LARGE1: variants seen among roughly 807,000 people sequenced by gnomAD.
LARGE1 encodes the protein LARGE xylosyl- and glucuronyltransferase 1, also known as xylosyl- and glucuronyltransferase LARGE1.
A neutral mutation model predicts 87.6 loss-of-function variants in LARGE1; 43 were observed. That is an observed-to-expected ratio of 0.49 (90% CI 0.38 to 0.63). The LOEUF (loss-of-function observed/expected upper bound fraction) is 0.63, where lower values mean the gene tolerates loss of function less well. Among genes scored for constraint, LARGE1 ranks in the 30% least tolerant of loss-of-function variants. LARGE1 has a pLI of 0.00. For synonymous variants in LARGE1, 434 were observed against 394.6 expected, an observed-to-expected ratio of 1.10 and a Z score of -1.18; for missense variants, 802 against 1,000.2, an observed-to-expected ratio of 0.80 and a Z score of 2.67.
At chr22:33,188,334 G>C (rs1337387983) in intron 11 of LARGE1, among the ~76,000 whole-genome samples, 1 of 152,100 alleles carries the variant, frequency 6.6e-6, no homozygotes, top group African/African-American at 2.4e-5. Flanking sequence ...GGCCCAATCT[G>C]CTCATTTTGA....
intron 8 of LARGE1, among the ~76,000 whole-genome samples, chr22:33,383,492 G>A (rs926878309): frequency 1.7e-4 from 26 of 152,060 alleles, no homozygotes; most frequent in Non-Finnish European, 3.4e-4. Context: ...CCCAGGAGGC[G>A]GAGGTTGCCG....
intron 1 of LARGE1, among the ~76,000 whole-genome samples, chr22:33,912,461 C>G (rs1352491048): frequency 6.6e-6 from 1 of 152,180 alleles, no homozygotes; most frequent in Non-Finnish European, 1.5e-5. Flanking sequence ...CTGGAAAGAT[C>G]GGCAAGTCCT....
chr22:33,678,513 A>AAGATG (rs2081648020), intron 2 of LARGE1, among the ~76,000 whole-genome samples: 1 of 152,194 alleles, frequency 6.6e-6, no homozygotes, highest in Non-Finnish European at 1.5e-5. Flanking sequence ...GTGCACTAGG[A>AAGATG]AGATGCTAGA....
At chr22:33,276,122 T>G (rs1014844557) in intron 14 of LARGE1, among the ~76,000 whole-genome samples, 7 of 152,098 alleles carry the variant, frequency 4.6e-5, no homozygotes, top group African/African-American at 1.7e-4. Context: ...GTATCCAACC[T>G]TAGCTTTTTC....
Position 33,277,172 on chromosome 22 carries a change from T to C in LARGE1, c.1961A>G (p.Glu654Gly). 2 of 1,614,232 alleles carry C rather than the reference T, an allele frequency of 1.2e-6. No individual in the cohort carries two copies. Among genetic ancestry groups the C allele is most frequent in the Non-Finnish European group, 1.7e-6 (2 of 1,180,050 alleles). The stretch of plus-strand genomic sequence containing the variant: ...AACAACATACGGCTCAAAATCGGCC[T>C]CCCACTCAACCCGGTAAGGCGTGGT... ...TATTPYRVEWEADFEPYVVVR... is the reference protein window; with the variant it reads ...TATTPYRVEWGADFEPYVVVR... Residue 654 changes from glutamate (E) to glycine (G), a missense_variant, in exon 14 of 15, where the codon GAG becomes GGG. Glu to Gly is a moderately conservative substitution (Grantham distance 98). Transcript: ENST00000397394.
intron 6 of LARGE1, among the ~76,000 whole-genome samples, chr22:33,514,141 T>C (rs1270299946): frequency 1.3e-5 from 2 of 152,202 alleles, no homozygotes. Flanking sequence ...TAATGATGCA[T>C]TTCCCAGAAC....
chr22:33,145,760 TATC>T, the LARGE1 span, among the ~76,000 whole-genome samples: 1 of 152,216 alleles, frequency 6.6e-6, no homozygotes, highest in African/African-American at 2.4e-5. Flanking sequence ...TTCCCTCTAG[TATC>T]ATTCAATGGT....
chr22:33,477,167 G>A (rs367576189), intron 6 of LARGE1, among the ~76,000 whole-genome samples: 22 of 152,216 alleles, frequency 1.4e-4, no homozygotes, highest in African/African-American at 4.6e-4. Context: ...CACCTGGGGC[G>A]TGAGAGACCC....
At position 33,274,324 on chromosome 22, in the gene LARGE1, A is replaced by G; in HGVS notation, c.*103T>C. The G allele has an allele frequency of 5.6e-6, 7 of 1,260,164 alleles. No homozygotes were observed. The highest frequency in any genetic ancestry group is 8.1e-6 in the Non-Finnish European group (7 of 861,242). The allele number at this position is 1,260,164 out of a possible 1,614,324, so 78.1% of individuals were successfully genotyped here. On this transcript the variant is annotated 3_prime_UTR_variant, in exon 15 of 15. Coordinates refer to ENST00000397394, the MANE Select transcript of LARGE1 (RefSeq NM_133642.5). ...GGGCCAAAGAGATAAATAAAAACAA[A>G]CCGAAAAAGCATGGCTCAATTTTGA...
intron 2 of LARGE1, among the ~76,000 whole-genome samples, chr22:33,738,683 TA>T (rs777674351): frequency 6.6e-6 from 1 of 151,884 alleles, no homozygotes; most frequent in Non-Finnish European, 1.5e-5. Context: ...CCGTCTCTAC[TA>T]AAAATAAAAA....
chr22:33,573,099 T>A (rs893886266), intron 5 of LARGE1, among the ~76,000 whole-genome samples: 1 of 152,080 alleles, frequency 6.6e-6, no homozygotes, highest in Admixed American at 6.5e-5. Context: ...TGGATATTGT[T>A]AACTGTTAAT....
At chr22:33,831,054 CG>C (rs2062950162) in intron 1 of LARGE1, among the ~76,000 whole-genome samples, 2 of 151,836 alleles carry the variant, frequency 1.3e-5, no homozygotes, top group Non-Finnish European at 2.9e-5. Context: ...GTGGTGATGA[CG>C]ATGATACTGC....
chr22:33,304,333 G>A lies in LARGE1; in HGVS notation c.1626C>T (p.Pro542=), dbSNP rs775137166. 1.1e-5 allele frequency: 17 copies of A among 1,614,148 alleles called. No homozygotes were observed. Among genetic ancestry groups the A allele is most frequent in the African/African-American group, 4.0e-5 (3 of 74,952 alleles). The change falls in exon 12 of 15, where the codon CCC becomes CCT. Residue 542 remains proline, a synonymous_variant. Transcript: ENST00000397394. The part of the protein sequence containing the change: ...HIVYKEGQFY[P]VNLLRNVAMK... ...TGGCCACGTTGCGCAGCAGGTTCACGGGGTAGAACTGGCCCTCCTTGTACA... is the reference window on the plus strand; with the variant it reads ...TGGCCACGTTGCGCAGCAGGTTCACAGGGTAGAACTGGCCCTCCTTGTACA...
chr22:33,094,597 C>CT, the LARGE1 span, among the ~76,000 whole-genome samples: 1,514 of 147,360 alleles, frequency 0.01, 28 homozygotes, highest in East Asian at 0.04. Flanking sequence ...TTCTTTCTTT[C>CT]TTTTTTTTTT....
chr22:33,699,218 C>T (rs1439534576), intron 2 of LARGE1, among the ~76,000 whole-genome samples: 1 of 152,176 alleles, frequency 6.6e-6, no homozygotes. Context: ...TCCCTGAAGT[C>T]GAGAAAGTTT....
At chr22:33,689,441 G>A (rs1450222927) in intron 2 of LARGE1, among the ~76,000 whole-genome samples, 1 of 152,154 alleles carries the variant, frequency 6.6e-6, no homozygotes. Flanking sequence ...AGAGGTGACC[G>A]AAGGCAAAAA....
chr22:33,203,497 G>A (rs1484986308), intron 11 of LARGE1, among the ~76,000 whole-genome samples: 1 of 152,144 alleles, frequency 6.6e-6, no homozygotes, highest in Admixed American at 6.5e-5. Flanking sequence ...ATTCCCAGGT[G>A]TGCCCACAAT....
At chr22:33,396,531 G>C (rs1282478088) in intron 7 of LARGE1, among the ~76,000 whole-genome samples, 1 of 150,514 alleles carries the variant, frequency 6.6e-6, no homozygotes, top group Non-Finnish European at 1.5e-5. Flanking sequence ...AGAGAAAGTG[G>C]AAATCCTTCC....
chr22:33,744,684 G>A (rs951042453), intron 2 of LARGE1, among the ~76,000 whole-genome samples: 6 of 151,960 alleles, frequency 3.9e-5, no homozygotes, highest in South Asian at 2.1e-4. Flanking sequence ...CTCACGCCCT[G>A]GAAAACACCT....
Sources: allele counts gnomAD v4.1 joint callset (sites outside exome capture counted in the v4.1 genomes callset), GRCh38; gene constraint gnomAD v4.1.1; transcripts MANE v1.5; gene names NCBI Gene and HGNC (gene_info 2026-07-23, HGNC 2026-07-21).